Variants in SNX25 observed in about 807,000 individuals in gnomAD.
SNX25 encodes the protein sorting nexin-25.
Under a neutral mutation model 113.7 loss-of-function variants are expected in SNX25, and 62 were observed. The ratio of observed to expected loss-of-function variants is 0.55; its 90% confidence interval spans 0.44 to 0.67. The LOEUF is 0.67. Ranked by LOEUF, SNX25 falls within the 30% of genes least tolerant of loss-of-function variation. The probability of loss-of-function intolerance (pLI) is 0.00; values close to 1 mark genes in which losing one functional copy is unlikely to be tolerated. For missense variants in SNX25, 1,014 were observed against 1,161.0 expected (o/e 0.87, Z 1.84); for synonymous variants, 421 against 436.2 (o/e 0.97, Z 0.43).
At position 185,259,078 on chromosome 4, in the gene SNX25, GC is replaced by G. The variant is rs1746862790; in HGVS notation, c.731+15del. Reference sequence around the variant, plus strand: ...TGCCAATGCCAGGTAACTGTTCTAAGCAACTTACCCCCTTTTTTGCATTAAT... The same window carrying G: ...TGCCAATGCCAGGTAACTGTTCTAAGAACTTACCCCCTTTTTTGCATTAAT... On this transcript the variant is annotated intron_variant, in intron 3 of 18. Coordinates refer to ENST00000652585, the MANE Select transcript of SNX25 (RefSeq NM_001378034.2). 6.2e-7 allele frequency: 1 copy of G among 1,606,752 alleles called. No individual in the cohort carries two copies. Among genetic ancestry groups the G allele is most frequent in the African/African-American group, 1.3e-5 (1 of 74,730 alleles).
At chr4:185,263,255 A>G (rs1014090127) in intron 3 of SNX25, among the ~76,000 whole-genome samples, 1 of 152,112 alleles carries the variant, frequency 6.6e-6, no homozygotes, top group African/African-American at 2.4e-5. Flanking sequence ...AACTTCCTCC[A>G]GTGCTTATTA....
intron 9 of SNX25, among the ~76,000 whole-genome samples, chr4:185,327,333 T>C (rs919150287): frequency 1.3e-5 from 2 of 152,214 alleles, no homozygotes; most frequent in East Asian, 1.9e-4. Flanking sequence ...CTAAGAGTTA[T>C]AGTAGCATTT....
At chr4:185,332,367 CCTTT>C (rs974583888) in intron 9 of SNX25, among the ~76,000 whole-genome samples, 1 of 152,122 alleles carries the variant, frequency 6.6e-6, no homozygotes, top group African/African-American at 2.4e-5. Context: ...GATTTCCCCT[CCTTT>C]CTTTAAGCTA....
intron 8 of SNX25, among the ~76,000 whole-genome samples, chr4:185,322,339 G>A (rs1309401184): frequency 6.6e-6 from 1 of 152,166 alleles, no homozygotes; most frequent in Non-Finnish European, 1.5e-5. Flanking sequence ...GCTGAGGCAA[G>A]AGAATTGCTT....
At chr4:185,262,679 T>G (rs1747491804) in intron 3 of SNX25, among the ~76,000 whole-genome samples, 1 of 152,236 alleles carries the variant, frequency 6.6e-6, no homozygotes, top group African/African-American at 2.4e-5. Flanking sequence ...TGTCTACTTT[T>G]TGGTGTAGGT....
chr4:185,341,921 T>A, intron 11 of SNX25, 55 bp from the exon 12 acceptor site: 1 of 1,538,904 alleles, frequency 6.5e-7, no homozygotes, highest in Non-Finnish European at 8.7e-7. Context: ...AGATCTTCCT[T>A]CTGCATCCAT....
Position 185,362,686 on chromosome 4 carries a change from CAA to C in SNX25, c.2910_2911del (p.Arg971SerfsTer16). ...AAAATATTCAATGCACTGCAAGAAA[CAA>C]GAGCCAACAAGCATCTGTTATATGT... On this transcript the variant is annotated frameshift_variant, in exon 18 of 19. Coordinates refer to ENST00000652585, the MANE Select transcript of SNX25 (RefSeq NM_001378034.2). LOFTEE classifies it high-confidence loss of function. 1 of 1,614,062 alleles carries C rather than the reference CAA, an allele frequency of 6.2e-7. No homozygotes were observed. Among genetic ancestry groups the C allele is most frequent in the Non-Finnish European group, 8.5e-7 (1 of 1,179,974 alleles).
intron 1 of SNX25, among the ~76,000 whole-genome samples, chr4:185,222,433 C>T (rs1740115801): frequency 6.6e-6 from 1 of 151,646 alleles, no homozygotes; most frequent in South Asian, 2.1e-4. Flanking sequence ...GTATTCAGCG[C>T]CCTATACCCC....
intron 1 of SNX25, among the ~76,000 whole-genome samples, chr4:185,220,295 A>G: frequency 6.6e-6 from 1 of 151,522 alleles, no homozygotes; most frequent in South Asian, 2.1e-4. Flanking sequence ...TTTTATTAGT[A>G]TTATACTTTA....
intron 2 of SNX25, among the ~76,000 whole-genome samples, chr4:185,257,819 C>T (rs946141606): frequency 1.3e-5 from 2 of 152,066 alleles, no homozygotes; most frequent in Non-Finnish European, 2.9e-5. Flanking sequence ...AGAACATAGG[C>T]ACTAGAAATC....
intron 14 of SNX25, among the ~76,000 whole-genome samples, chr4:185,352,245 C>G (rs2126743540): frequency 6.6e-6 from 1 of 152,326 alleles, no homozygotes; most frequent in African/African-American, 2.4e-5. Context: ...ACGGAGGCGC[C>G]TTGCCTGGCC....
chr4:185,318,078 C>T (rs1326208013), intron 7 of SNX25, among the ~76,000 whole-genome samples: 2 of 152,266 alleles, frequency 1.3e-5, no homozygotes, highest in East Asian at 3.9e-4. Context: ...CCCTTCTGCC[C>T]ACAAAACAGA....
chr4:185,364,783 A>T (rs2095380565), downstream of SNX25: 1 of 152,224 alleles, frequency 6.6e-6, no homozygotes, highest in African/African-American at 2.4e-5. Context: ...AATACATTCA[A>T]GGAAGAGAGG....
Position 185,258,733 on chromosome 4 carries a change from C to G in SNX25, c.515-115C>G, listed in dbSNP as rs1746805835. The stretch of plus-strand genomic sequence containing the variant: ...TCTCATGAGTTCTGTTTTCTCCTCT[C>G]TTTAATTTTAAACAGTGAATATTAA... On this transcript the variant is annotated intron_variant, in intron 2 of 18. Coordinates refer to ENST00000652585, the MANE Select transcript of SNX25 (RefSeq NM_001378034.2). 8.8e-6 allele frequency: 7 copies of G among 792,148 alleles called. No homozygotes were observed. The South Asian group carries it at 9.2e-5, about 10-fold the overall frequency. The allele number at this position is 792,148 out of a possible 1,614,324, so 49.1% of individuals were successfully genotyped here.
chr4:185,332,394 G>A (rs931424616), intron 9 of SNX25, among the ~76,000 whole-genome samples: 11 of 152,086 alleles, frequency 7.2e-5, no homozygotes, highest in Non-Finnish European at 1.3e-4. Context: ...AAATGTTTCC[G>A]TTTTGCAATT....
intron 7 of SNX25, among the ~76,000 whole-genome samples, chr4:185,316,464 A>G (rs1561004335): frequency 6.6e-6 from 1 of 152,236 alleles, no homozygotes; most frequent in African/African-American, 2.4e-5. Context: ...TTGCCTTCCT[A>G]TCTTGCTTTG....
chr4:185,258,787 T>A, intron 2 of SNX25, 61 bp from the exon 3 acceptor site: 1 of 1,365,990 alleles, frequency 7.3e-7, no homozygotes, highest in Non-Finnish European at 1.0e-6. Flanking sequence ...CCAGTAGAAA[T>A]GCAGTCTTGG....
intron 5 of SNX25, among the ~76,000 whole-genome samples, chr4:185,274,280 C>A (rs1579573928): frequency 1.3e-5 from 2 of 152,094 alleles, no homozygotes; most frequent in Non-Finnish European, 2.9e-5. Context: ...AGGCTGGTCT[C>A]GAACTCCTGA....
chr4:185,335,717 G>A (rs536021922), intron 10 of SNX25, among the ~76,000 whole-genome samples: 39 of 152,082 alleles, frequency 2.6e-4, no homozygotes, highest in African/African-American at 9.4e-4. Flanking sequence ...CCAATTCTAG[G>A]GTAATATTGG....
Sources: gnomAD v4.1 joint callset for allele counts (sites outside exome capture counted in the v4.1 genomes callset) on GRCh38, gnomAD v4.1.1 for gene constraint, MANE v1.5 for transcripts, NCBI Gene and HGNC (gene_info 2026-07-23, HGNC 2026-07-21) for gene names.